Variants in PID1 observed in about 807,000 individuals in gnomAD.
PID1 encodes the protein PTB-containing, cubilin and LRP1-interacting protein.
PID1 carries 10 observed loss-of-function variants against 19.1 expected under a neutral mutation model. The observed-to-expected ratio is 0.52, with a 90% CI of 0.32 to 0.89. PID1 has a LOEUF of 0.89. Among genes scored for constraint, PID1 ranks in the 40% least tolerant of loss-of-function variants. The probability of loss-of-function intolerance (pLI) is 0.03; values close to 1 mark genes in which losing one functional copy is unlikely to be tolerated. For missense variants in PID1, 248 were observed against 285.3 expected, an observed-to-expected ratio of 0.87 and a Z score of 0.94; for synonymous variants, 130 against 116.0, an observed-to-expected ratio of 1.12 and a Z score of -0.78.
chr2:229,042,355 C>A (rs543794274), intron 2 of PID1, among the ~76,000 whole-genome samples: 1 of 152,128 alleles, frequency 6.6e-6, no homozygotes, highest in East Asian at 1.9e-4. Flanking sequence ...AAGACGTGTC[C>A]TTGGCTCCAT....
intron 1 of PID1, among the ~76,000 whole-genome samples, chr2:229,185,430 T>C (rs182736966): frequency 4.6e-5 from 7 of 152,134 alleles, no homozygotes; most frequent in African/African-American, 1.4e-4. Context: ...CCTGTATTAG[T>C]CTGTTTTCAT....
intron 2 of PID1, among the ~76,000 whole-genome samples, chr2:229,040,715 T>C (rs940097076): frequency 4.6e-5 from 7 of 152,156 alleles, no homozygotes; most frequent in African/African-American, 1.7e-4. Flanking sequence ...CAAATAACAT[T>C]TTAACACAGT....
chr2:229,201,934 T>C (rs1691506961), intron 1 of PID1, among the ~76,000 whole-genome samples: 1 of 152,110 alleles, frequency 6.6e-6, no homozygotes, highest in African/African-American at 2.4e-5. Context: ...AGATAAAAAT[T>C]CTTCATGTCT....
Position 229,209,051 on chromosome 2 carries a change from G to A in PID1, c.31-53087C>T, listed in dbSNP as rs576148613. On this transcript the variant is annotated intron_variant, in intron 1 of 2. Transcript: ENST00000392055. The stretch of plus-strand genomic sequence containing the variant: ...TGCTGTTCAATTCTAGGCTAGAGTG[G>A]CAAATAAAAAAGGGGGATTAACACT... 1.1e-4 allele frequency among the ~76,000 whole-genome samples: 16 copies of A among 152,176 alleles called. No homozygotes were observed. In the South Asian group the frequency reaches 3.3e-3, roughly 32 times the overall value.
intron 1 of PID1, among the ~76,000 whole-genome samples, chr2:229,238,376 T>C (rs1015681195): frequency 2.6e-5 from 4 of 152,132 alleles, no homozygotes; most frequent in Admixed American, 6.6e-5. Context: ...TCTTGGAAAG[T>C]TTCAAAAACC....
intron 2 of PID1, among the ~76,000 whole-genome samples, chr2:229,077,760 C>T (rs796910625): frequency 7.2e-4 from 110 of 152,280 alleles, no homozygotes; most frequent in African/African-American, 2.6e-3. Context: ...GTTTTGGTAC[C>T]AGTACCATGC....
chr2:229,235,428 A>T (rs532029663), intron 1 of PID1, among the ~76,000 whole-genome samples: 1 of 152,344 alleles, frequency 6.6e-6, no homozygotes, highest in African/African-American at 2.4e-5. Flanking sequence ...CCAAGGAGAC[A>T]CGAGAAAGGG....
At chr2:229,074,458 A>T (rs1694518868) in intron 2 of PID1, among the ~76,000 whole-genome samples, 1 of 152,220 alleles carries the variant, frequency 6.6e-6, no homozygotes, top group African/African-American at 2.4e-5. Flanking sequence ...ACATCAAAAT[A>T]CATAGGGGAT....
At chr2:229,212,306 T>G (rs553540301) in intron 1 of PID1, among the ~76,000 whole-genome samples, 8 of 152,224 alleles carry the variant, frequency 5.3e-5, no homozygotes, top group Non-Finnish European at 1.2e-4. Flanking sequence ...CTTTTTGAAG[T>G]TCACCAAGAG....
intron 2 of PID1, among the ~76,000 whole-genome samples, chr2:229,035,568 C>A (rs1693647601): frequency 6.6e-6 from 1 of 151,102 alleles, no homozygotes; most frequent in Admixed American, 6.6e-5. Flanking sequence ...TCCTTTGTTG[C>A]AAATGCAATG....
At chr2:229,245,051 C>T (rs888501133) in intron 1 of PID1, 1 of 152,100 alleles carries the variant, frequency 6.6e-6, no homozygotes, top group Non-Finnish European at 1.5e-5. Context: ...TGTTGCAAAG[C>T]CCATCTCCAC....
At chr2:229,220,230 G>C (rs1335352124) in intron 1 of PID1, among the ~76,000 whole-genome samples, 1 of 151,996 alleles carries the variant, frequency 6.6e-6, no homozygotes, top group Non-Finnish European at 1.5e-5. Context: ...TGTTGCCCAG[G>C]CTCCCATGAC....
intron 2 of PID1, among the ~76,000 whole-genome samples, chr2:229,078,387 T>G (rs1431563333): frequency 1.3e-5 from 2 of 152,198 alleles, no homozygotes. Context: ...AATACCCTTG[T>G]GTCTTTCTCT....
chr2:229,142,435 A>G (rs1690034925), intron 2 of PID1, among the ~76,000 whole-genome samples: 1 of 152,180 alleles, frequency 6.6e-6, no homozygotes, highest in South Asian at 2.1e-4. Flanking sequence ...GAAAACATTC[A>G]GTCGTAAATG....
At chr2:229,077,298 GGATA>G (rs1238596307) in intron 2 of PID1, among the ~76,000 whole-genome samples, 5 of 152,082 alleles carry the variant, frequency 3.3e-5, no homozygotes, top group Non-Finnish European at 5.9e-5. Context: ...TTTGTCAGAT[GGATA>G]GATTGCAAAA....
chr2:229,053,589 G>C (rs1269051677), intron 2 of PID1, among the ~76,000 whole-genome samples: 1 of 152,184 alleles, frequency 6.6e-6, no homozygotes, highest in African/African-American at 2.4e-5. Context: ...CAAGCCCGAG[G>C]AACAGCCTCA....
chr2:229,265,660 T>C (rs183660069), intron 1 of PID1, among the ~76,000 whole-genome samples: 22 of 152,348 alleles, frequency 1.4e-4, no homozygotes, highest in Non-Finnish European at 2.8e-4. Flanking sequence ...TTGAGTGTTC[T>C]GGACTAGTTT....
At chr2:229,187,118 G>C (rs556878595) in intron 1 of PID1, among the ~76,000 whole-genome samples, 1 of 152,042 alleles carries the variant, frequency 6.6e-6, no homozygotes, top group Non-Finnish European at 1.5e-5. Flanking sequence ...CTTATTGTTC[G>C]TATCACTATC....
At chr2:229,104,783 G>C (rs1198668383) in intron 2 of PID1, among the ~76,000 whole-genome samples, 1 of 152,134 alleles carries the variant, frequency 6.6e-6, no homozygotes, top group African/African-American at 2.4e-5. Context: ...TGCAATATTA[G>C]TGCCTGACTT....
Sources: allele counts gnomAD v4.1 joint callset (sites outside exome capture counted in the v4.1 genomes callset), GRCh38; gene constraint gnomAD v4.1.1; transcripts MANE v1.5; gene names NCBI Gene and HGNC (gene_info 2026-07-23, HGNC 2026-07-21).